TCF3: variants seen among roughly 807,000 people sequenced by gnomAD.
TCF3 encodes transcription factor E2-alpha.
A neutral mutation model predicts 72.3 loss-of-function variants in TCF3; 54 were observed. The observed-to-expected ratio is 0.75, with a 90% CI of 0.60 to 0.94. TCF3 has a LOEUF of 0.94. Among genes scored for constraint, TCF3 ranks in the 40% least tolerant of loss-of-function variants. TCF3 has a pLI of 0.00. For synonymous variants in TCF3, 525 were observed against 412.6 expected, an observed-to-expected ratio of 1.27 and a Z score of -3.30; for missense variants, 1,078 against 934.4, an observed-to-expected ratio of 1.15 and a Z score of -2.00.
At chr19:1,612,346 G>T in intron 18 of TCF3, 1 of 1,613,936 alleles carries the variant, frequency 6.2e-7, no homozygotes, top group South Asian at 1.1e-5. Context: ...TATCCCGCAC[G>T]CGCACCCGCT....
chr19:1,612,583 G>GT (rs1455385419), intron 18 of TCF3: 2 of 737,402 alleles, frequency 2.7e-6, no homozygotes, highest in Non-Finnish European at 4.4e-6. Flanking sequence ...GGGCACAGCA[G>GT]TGTGGGCAGC....
intron 1 of TCF3, among the ~76,000 whole-genome samples, chr19:1,652,067 G>A (rs551785850): frequency 8.5e-4 from 128 of 150,328 alleles, no homozygotes; most frequent in Admixed American, 7.1e-3. Flanking sequence ...TGCCCGGCCC[G>A]ACGGGGGCGA....
At chr19:1,621,080 G>A in intron 12 of TCF3, 34 bp from the exon 13 acceptor site, 2 of 1,519,926 alleles carry the variant, frequency 1.3e-6, no homozygotes, top group Non-Finnish European at 1.8e-6. Context: ...GGGCGGTCAG[G>A]GGCCGGCCTC....
intron 18 of TCF3, chr19:1,612,448 C>G: frequency 6.5e-7 from 1 of 1,527,258 alleles, no homozygotes; most frequent in Non-Finnish European, 8.9e-7. Context: ...GTCACAGCAC[C>G]GAGGCCTCTG....
Position 1,622,086 on chromosome 19 carries a change from T to C in TCF3, c.790A>G (p.Thr264Ala). The change falls in exon 10 of 19, where the codon ACG becomes GCG. Residue 264 changes from threonine (T) to alanine (A), a missense_variant. Coordinates refer to ENST00000262965, the MANE Select transcript of TCF3 (RefSeq NM_003200.5). ...TCGTGCTGGTGCAGGCCACCAAACG[T>C]GCTGCTGCTTCCACTGCTGCCCACC... ...GPVGSSGSSSTFGGLHQHERM... is the reference protein window; with the variant it reads ...GPVGSSGSSSAFGGLHQHERM... The C allele has an allele frequency of 1.2e-6, 2 of 1,606,670 alleles. No individual in the cohort carries two copies. Among genetic ancestry groups the C allele is most frequent in the South Asian group, 2.2e-5 (2 of 90,036 alleles).
chr19:1,613,994 G>C (rs1017710030), intron 18 of TCF3, among the ~76,000 whole-genome samples: 4 of 152,272 alleles, frequency 2.6e-5, no homozygotes, highest in Admixed American at 1.3e-4. Context: ...CAGGGGTGCG[G>C]GTCCCGGCCC....
intron 2 of TCF3, among the ~76,000 whole-genome samples, 162 bp from the exon 3 acceptor site, chr19:1,646,589 G>C (rs1340694372): frequency 6.6e-6 from 1 of 152,138 alleles, no homozygotes; most frequent in African/African-American, 2.4e-5. Flanking sequence ...TCACAGACCA[G>C]AAGACTCTGA....
chr19:1,632,420 G>A lies in TCF3; in HGVS notation c.146-15C>T, dbSNP rs1333944725. On this transcript the variant is annotated splice_polypyrimidine_tract_variant and intron_variant, in intron 3 of 18. Transcript: ENST00000262965. ...GTCCTCAAGACCTGCAGGCAGGACAGAGAGAGTTATGGGTCACCCTCACGC... is the reference window on the plus strand; with the variant it reads ...GTCCTCAAGACCTGCAGGCAGGACAAAGAGAGTTATGGGTCACCCTCACGC... The A allele has an allele frequency of 6.3e-7, 1 of 1,584,482 alleles. No individual in the cohort carries two copies. Among genetic ancestry groups the A allele is most frequent in the Admixed American group, 1.8e-5 (1 of 56,028 alleles).
At position 1,621,084 on chromosome 19, in the gene TCF3, C is replaced by T. The variant is rs765384007; in HGVS notation, c.1015-38G>A. 2.2e-5 allele frequency: 34 copies of T among 1,518,438 alleles called. No homozygotes were observed. In the East Asian group the frequency reaches 5.6e-4, roughly 25 times the overall value. The allele number at this position is 1,518,438 out of a possible 1,614,324, so 94.1% of individuals were successfully genotyped here. ...CCAGGAGAGATGGGCGGTCAGGGGC[C>T]GGCCTCTCAGGTCACTTGCCTGGCC... On this transcript the variant is annotated intron_variant, in intron 12 of 18. Transcript: ENST00000262965.
At chr19:1,624,694 C>T (rs931548419) in intron 7 of TCF3, among the ~76,000 whole-genome samples, 21 of 152,236 alleles carry the variant, frequency 1.4e-4, no homozygotes, top group Admixed American at 1.3e-3. Context: ...CCTGATCACT[C>T]ACGGACGTGC....
At chr19:1,627,053 G>A (rs1846035125) in intron 6 of TCF3, among the ~76,000 whole-genome samples, 1 of 152,178 alleles carries the variant, frequency 6.6e-6, no homozygotes, top group South Asian at 2.1e-4. Flanking sequence ...TCCCCAGGGG[G>A]TCCACACCTG....
At chr19:1,633,681 G>A (rs961824613) in intron 3 of TCF3, among the ~76,000 whole-genome samples, 4 of 152,158 alleles carry the variant, frequency 2.6e-5, no homozygotes, top group African/African-American at 7.2e-5. Flanking sequence ...GATTATGAGT[G>A]GGGGGCTGGG....
chr19:1,624,012 A>T lies in TCF3; in HGVS notation c.500-12T>A. 6.2e-7 allele frequency: 1 copy of T among 1,613,110 alleles called. No homozygotes were observed. The highest frequency in any genetic ancestry group is 8.5e-7 in the Non-Finnish European group (1 of 1,179,778). On this transcript the variant is annotated splice_polypyrimidine_tract_variant and intron_variant, in intron 7 of 18. Coordinates refer to ENST00000262965, the MANE Select transcript of TCF3 (RefSeq NM_003200.5). Reference sequence around the variant, plus strand: ...CTTGGGCTGCGTGTCTGTTAGAAGCAAAAGGGGTGAGAACCGGCCACCGGC... The same window carrying T: ...CTTGGGCTGCGTGTCTGTTAGAAGCTAAAGGGGTGAGAACCGGCCACCGGC...
intron 3 of TCF3, among the ~76,000 whole-genome samples, chr19:1,644,130 G>T (rs1001846001): frequency 2.6e-5 from 4 of 152,226 alleles, no homozygotes; most frequent in African/African-American, 9.6e-5. Flanking sequence ...CAGGAAGCGG[G>T]GAAATGAGCT....
chr19:1,634,278 C>A (rs1025852849), intron 3 of TCF3, among the ~76,000 whole-genome samples: 2 of 152,246 alleles, frequency 1.3e-5, no homozygotes, highest in African/African-American at 4.8e-5. Flanking sequence ...GCATCCATTG[C>A]TCCTGTTCTA....
In TCF3 at chr19:1,652,429, G is replaced by GGCGCT. The variant is rs2067275586; in HGVS notation, c.-170_-169insAGCGC. The stretch of plus-strand genomic sequence containing the variant: ...CGCGCGTGGGCGGCGGCGGCGGCGC[G>GGCGCT]CGTGGCCCGGGCCCCTCCCACCCCC... On this transcript the variant is annotated 5_prime_UTR_variant, in exon 1 of 19. Coordinates refer to ENST00000262965, the MANE Select transcript of TCF3 (RefSeq NM_003200.5). The GGCGCT allele has an allele frequency of 7.1e-6, 1 of 141,638 alleles. No individual in the cohort carries two copies. The highest frequency in any genetic ancestry group is 1.6e-5 in the Non-Finnish European group (1 of 64,014). The allele number at this position is 141,638 out of a possible 1,614,324, so 8.8% of individuals were successfully genotyped here.
chr19:1,636,472 A>AT (rs2064425675), intron 3 of TCF3, among the ~76,000 whole-genome samples: 3 of 151,916 alleles, frequency 2.0e-5, no homozygotes, highest in Admixed American at 1.3e-4. Context: ...ATTTAAAAAA[A>AT]TTTTTTTGTA....
Position 1,615,639 on chromosome 19 carries a change from C to T in TCF3, c.1586+47G>A, listed in dbSNP as rs369170586. 8.3e-5 allele frequency: 132 copies of T among 1,583,034 alleles called. No individual in the cohort carries two copies. The highest frequency in any genetic ancestry group is 1.7e-4 in the Middle Eastern group (1 of 5,950). ...TGTGCGTGTGGCCTGTGCACATGTG[C>T]GTCCTGATGGGGTGAGGGTGGGGAG... On this transcript the variant is annotated intron_variant, in intron 17 of 18. Coordinates refer to ENST00000262965, the MANE Select transcript of TCF3 (RefSeq NM_003200.5). This position sits in a 1 kb window ranked among gnomAD's most constrained non-coding sequence, Gnocchi z 7.3.
intron 6 of TCF3, among the ~76,000 whole-genome samples, chr19:1,626,959 C>T (rs2062960880): frequency 6.6e-6 from 1 of 152,218 alleles, no homozygotes; most frequent in South Asian, 2.1e-4. Flanking sequence ...TGGCTGGTCA[C>T]AGCCCCCAAC....
Sources: gnomAD v4.1 joint callset for allele counts (sites outside exome capture counted in the v4.1 genomes callset) on GRCh38, gnomAD v4.1.1 for gene constraint, Gnocchi (gnomAD v3.1) non-coding constraint, MANE v1.5 for transcripts, NCBI Gene and HGNC (gene_info 2026-07-23, HGNC 2026-07-21) for gene names.